The following ALDH6A1 variants were observed in gnomAD, a reference collection of about 807,000 sequenced individuals.
ALDH6A1 encodes the protein aldehyde dehydrogenase 6 family member A1.
A neutral mutation model predicts 62.6 loss-of-function variants in ALDH6A1; 43 were observed. That is an observed-to-expected ratio of 0.69 (90% CI 0.54 to 0.89). ALDH6A1 has a LOEUF of 0.89. Among genes scored for constraint, ALDH6A1 ranks in the 40% least tolerant of loss-of-function variants. The probability of loss-of-function intolerance (pLI) is 0.00; values close to 1 mark genes in which losing one functional copy is unlikely to be tolerated. For synonymous variants in ALDH6A1, 194 were observed against 234.2 expected, an observed-to-expected ratio of 0.83 and a Z score of 1.57; for missense variants, 551 against 661.3, an observed-to-expected ratio of 0.83 and a Z score of 1.83.
chr14:74,067,340 A>T, intron 8 of ALDH6A1, 40 bp downstream of exon 8: 1 of 1,610,966 alleles, frequency 6.2e-7, no homozygotes, highest in South Asian at 1.1e-5. Context: ...TTAATGCCAC[A>T]GATGCAAAAT....
At position 74,071,832 on chromosome 14, in the gene ALDH6A1, C is replaced by T. The variant is rs111824463; in HGVS notation, c.427+64G>A. The stretch of plus-strand genomic sequence containing the variant: ...AAGGAAGAAGCAACCTCCCATTCTG[C>T]GATCTTTGCCTCCCATCTTCCTTTG... On this transcript the variant is annotated intron_variant, in intron 5 of 11. Transcript: ENST00000553458. The T allele has an allele frequency of 3.1e-3, 4,885 of 1,562,796 alleles. 143 individuals carry two copies. In the African/African-American group the frequency reaches 0.059, roughly 19 times the overall value.
At position 74,072,372 on chromosome 14, in the gene ALDH6A1, G is replaced by T. The variant is rs1376714392; in HGVS notation, c.187-8C>A. The T allele has an allele frequency of 3.7e-6, 6 of 1,614,136 alleles. No individual in the cohort carries two copies. The highest frequency in any genetic ancestry group is 5.1e-6 in the Non-Finnish European group (6 of 1,180,028). On this transcript the variant is annotated splice_polypyrimidine_tract_variant and splice_region_variant and intron_variant, in intron 3 of 11. Coordinates refer to ENST00000553458, the MANE Select transcript of ALDH6A1 (RefSeq NM_005589.4). ...AATGACCTCATTGGTGGCCTGATGA[G>T]AAAAATAAGCACATGATCCTTTGCC...
Position 74,062,900 on chromosome 14 carries a change from T to C in ALDH6A1, c.1503+1922A>G, listed in dbSNP as rs1477646303. Reference sequence around the variant, plus strand: ...TTCAAAATGGCTCTAGTCCTATGACTAGAAAGAACTTCCCCTAGCCTATTT... The same window carrying C: ...TTCAAAATGGCTCTAGTCCTATGACCAGAAAGAACTTCCCCTAGCCTATTT... On this transcript the variant is annotated intron_variant, in intron 11 of 11. Coordinates refer to ENST00000553458, the MANE Select transcript of ALDH6A1 (RefSeq NM_005589.4). Among the ~76,000 whole-genome samples, 8 of 152,314 alleles carry C rather than the reference T, an allele frequency of 5.3e-5. No homozygotes were observed. In the East Asian group the frequency reaches 1.5e-3, roughly 29 times the overall value.
In ALDH6A1 at chr14:74,058,592, A is replaced by C. The variant is rs2060271197; in HGVS notation, c.*2050T>G. 7.1e-6 allele frequency: 1 copy of C among 141,212 alleles called. No individual in the cohort carries two copies. The highest frequency in any genetic ancestry group is 6.9e-5 in the Admixed American group (1 of 14,464). The allele number at this position is 141,212 out of a possible 1,614,324, so 8.7% of individuals were successfully genotyped here. A position where few individuals can be genotyped will look rare whatever the true frequency, so the allele number is the denominator to read the frequency against. Reference sequence around the variant, plus strand: ...ATCCACAGGGTACACAACATTTTCAAGGTCTTTTTTTTTTTTATCATACTT... The same window carrying C: ...ATCCACAGGGTACACAACATTTTCACGGTCTTTTTTTTTTTTATCATACTT... On this transcript the variant is annotated 3_prime_UTR_variant, in exon 12 of 12. Transcript: ENST00000553458.
chr14:74,082,408 T>G (rs901240201), intron 1 of ALDH6A1, among the ~76,000 whole-genome samples: 9 of 141,936 alleles, frequency 6.3e-5, no homozygotes, highest in East Asian at 2.1e-4. Flanking sequence ...TTTTTTTTTT[T>G]TTTTTTTTTT....
At chr14:74,069,107 T>C (rs545399668) in intron 6 of ALDH6A1, 126 bp from the exon 7 acceptor site, 339 of 1,067,848 alleles carry the variant, frequency 3.2e-4, no homozygotes, top group Admixed American at 4.2e-4. Context: ...TTTTCTTTTT[T>C]TTTTTTTTTT....
Position 74,062,051 on chromosome 14 carries a change from GAAAAAAAAAAA to G in ALDH6A1, c.1504-1316_1504-1306del, listed in dbSNP as rs369414700. Among the ~76,000 whole-genome samples, 193 of 59,624 alleles carry G rather than the reference GAAAAAAAAAAA, an allele frequency of 3.2e-3. 3 individuals are homozygous for G. The highest frequency in any genetic ancestry group is 0.016 in the Middle Eastern group (1 of 64). The allele number at this position is 59,624 out of a possible 152,430, so 39.1% of individuals were successfully genotyped here. A position where few individuals can be genotyped will look rare whatever the true frequency, so the allele number is the denominator to read the frequency against. Reference sequence around the variant, plus strand: ...CATGGCGAAACCTCGTCTCTACTGGGAAAAAAAAAAAAAAAAAAAAAAAAAAAAAGCTGGGC... The same window carrying G: ...CATGGCGAAACCTCGTCTCTACTGGGAAAAAAAAAAAAAAAAAAGCTGGGC... On this transcript the variant is annotated intron_variant, in intron 11 of 11. Coordinates refer to ENST00000553458, the MANE Select transcript of ALDH6A1 (RefSeq NM_005589.4).
chr14:74,070,399 A>C (rs559363984), intron 6 of ALDH6A1, among the ~76,000 whole-genome samples: 1 of 152,020 alleles, frequency 6.6e-6, no homozygotes, highest in African/African-American at 2.4e-5. Context: ...CATGCCTGTA[A>C]TCCCAGCTAT....
intron 6 of ALDH6A1, 120 bp from the exon 7 acceptor site, chr14:74,069,101 CTTTTT>C (rs900873855): frequency 9.4e-4 from 432 of 460,958 alleles, no homozygotes; most frequent in Non-Finnish European, 1.2e-3. Context: ...TTTACTTTTT[CTTTTT>C]TTTTTTTTTT....
In ALDH6A1 at chr14:74,084,401, C is replaced by T. The variant is rs749971767; in HGVS notation, c.-7G>A. The T allele has an allele frequency of 2.5e-6, 4 of 1,613,124 alleles. No individual in the cohort carries two copies. The highest frequency in any genetic ancestry group is 1.1e-5 in the South Asian group (1 of 91,008). ...CCGCCAATAGCGCCGCCATGGCTCT[C>T]GGCCGCCCTAGCTCCGCACCCCGCG... On this transcript the variant is annotated 5_prime_UTR_variant, in exon 1 of 12. Transcript: ENST00000553458.
intron 6 of ALDH6A1, among the ~76,000 whole-genome samples, chr14:74,069,754 A>C (rs151192529): frequency 0.018 from 2,788 of 152,172 alleles, 86 homozygotes; most frequent in African/African-American, 0.064. Flanking sequence ...ACTCCATCTC[A>C]AAACAATAAA....
At position 74,071,208 on chromosome 14, in the gene ALDH6A1, A is replaced by G; in HGVS notation, c.717T>C (p.His239=). The change falls in exon 6 of 12, where the codon CAT becomes CAC. Residue 239 remains histidine (H), a synonymous_variant. Coordinates refer to ENST00000553458, the MANE Select transcript of ALDH6A1 (RefSeq NM_005589.4). ...AAGGGCAGTTACCTTCATGCTGTCC[A>G]TGGATGATGTTTAATGTTCCATCAG... is the stretch of plus-strand genomic sequence containing the variant. ...GAPDGTLNII[H]GQHEAVNFIC... 6.2e-7 allele frequency: 1 copy of G among 1,614,172 alleles called. No homozygotes were observed. Among genetic ancestry groups the G allele is most frequent in the Non-Finnish European group, 8.5e-7 (1 of 1,180,012 alleles).
chr14:74,060,631 C>G lies in ALDH6A1; in HGVS notation c.*11G>C. On this transcript the variant is annotated 3_prime_UTR_variant, in exon 12 of 12. Coordinates refer to ENST00000553458, the MANE Select transcript of ALDH6A1 (RefSeq NM_005589.4). ...TACTCAGGATGGAGTCAGTCTTAAACAAACTTGTTTCTAACGGCCCATGGT... is the reference window on the plus strand; with the variant it reads ...TACTCAGGATGGAGTCAGTCTTAAAGAAACTTGTTTCTAACGGCCCATGGT... 5.0e-6 allele frequency: 8 copies of G among 1,588,370 alleles called. No homozygotes were observed. Among genetic ancestry groups the G allele is most frequent in the Non-Finnish European group, 6.9e-6 (8 of 1,156,790 alleles).
rs898024749 is a variant in ALDH6A1, at chr14:74,079,873, C to T, written c.48+4474G>A. 1.2e-4 allele frequency among the ~76,000 whole-genome samples: 18 copies of T among 151,988 alleles called. 1 individual carries two copies. Among genetic ancestry groups the T allele is most frequent in the South Asian group, 6.2e-4 (3 of 4,820 alleles). ...TGTGAGCCACGACATGTGACCTCTA[C>T]GGATAATTTTAAAAATTAGTTGGGC... On this transcript the variant is annotated intron_variant, in intron 1 of 11. Coordinates refer to ENST00000553458, the MANE Select transcript of ALDH6A1 (RefSeq NM_005589.4).
intron 2 of ALDH6A1, 41 bp downstream of exon 2, chr14:74,074,914 A>G (rs1490726440): frequency 1.9e-6 from 3 of 1,589,892 alleles, no homozygotes; most frequent in Non-Finnish European, 2.6e-6. Context: ...ACTATACTGA[A>G]TTCCTTCTCA....
At chr14:74,079,578 G>A (rs1432892262) in intron 1 of ALDH6A1, among the ~76,000 whole-genome samples, 3 of 151,910 alleles carry the variant, frequency 2.0e-5, no homozygotes, top group African/African-American at 7.2e-5. Flanking sequence ...GACTACAGGC[G>A]CCCGCCACCA....
At chr14:74,072,651 GA>G in intron 2 of ALDH6A1, 40 bp from the exon 3 acceptor site, 1 of 1,599,926 alleles carries the variant, frequency 6.3e-7, no homozygotes, top group Non-Finnish European at 8.5e-7. Flanking sequence ...ACAAAAACAT[GA>G]AACTTTGTAT....
At position 74,056,991 on chromosome 14, in the gene ALDH6A1, TCTTG is replaced by T; in HGVS notation, c.*3647_*3650del. The T allele has an allele frequency of 1.2e-6, 2 of 1,611,060 alleles. No homozygotes were observed. Among genetic ancestry groups the T allele is most frequent in the Non-Finnish European group, 1.7e-6 (2 of 1,178,098 alleles). ...AACAAAGGAATTTGGGTAAGAGCTC[TCTTG>T]CTTAAGTAATAAACATGAGCCCAAC... On this transcript the variant is annotated 3_prime_UTR_variant, in exon 12 of 12. Coordinates refer to ENST00000553458, the MANE Select transcript of ALDH6A1 (RefSeq NM_005589.4).
chr14:74,079,728 G>T (rs548433376), intron 1 of ALDH6A1, among the ~76,000 whole-genome samples: 84 of 152,186 alleles, frequency 5.5e-4, no homozygotes, highest in Non-Finnish European at 1.1e-3. Context: ...CACTGCGCCT[G>T]GCCTAATTTT....
Sources: gnomAD v4.1 joint callset for allele counts (sites outside exome capture counted in the v4.1 genomes callset) on GRCh38, gnomAD v4.1.1 for gene constraint, MANE v1.5 for transcripts, NCBI Gene and HGNC (gene_info 2026-07-23, HGNC 2026-07-21) for gene names.